QTGAL: variants seen among roughly 807,000 people sequenced by gnomAD.
QTGAL encodes BGnT-like protein 1.
At chr17:82,956,249 G>A in the QTGAL span, among the ~76,000 whole-genome samples, 136 of 152,198 alleles carry the variant, frequency 8.9e-4, 1 homozygote, top group East Asian at 0.024. This position sits in a 1 kb window ranked among gnomAD's most constrained non-coding sequence, Gnocchi z 5.7. Context: ...TTTGGAGCCC[G>A]AGGCACCCAT....
chr17:82,970,061 G>A, the QTGAL span, among the ~76,000 whole-genome samples: 1 of 152,180 alleles, frequency 6.6e-6, no homozygotes, highest in Non-Finnish European at 1.5e-5. Flanking sequence ...GCAGTTCTAT[G>A]GGATAACTTC....
the QTGAL span, chr17:82,956,954 G>A: frequency 7.6e-5 from 71 of 938,688 alleles, no homozygotes; most frequent in South Asian, 3.4e-4. This position sits in a 1 kb window ranked among gnomAD's most constrained non-coding sequence, Gnocchi z 5.7. Flanking sequence ...CGCCACCCCC[G>A]CCTGACACCC....
chr17:82,965,555 A>G, the QTGAL span: 1 of 1,251,234 alleles, frequency 8.0e-7, no homozygotes, highest in African/African-American at 1.5e-5. Context: ...CCCCGGAGGC[A>G]TGGCAAGGCG....
chr17:82,960,582 C>T, the QTGAL span: 10 of 156,260 alleles, frequency 6.4e-5, no homozygotes, highest in South Asian at 6.0e-4. Flanking sequence ...CCCGGGCCCA[C>T]GTGGCCGCTC....
At chr17:82,945,758 AAT>A in the QTGAL span, 3 of 152,170 alleles carry the variant, frequency 2.0e-5, no homozygotes, top group African/African-American at 7.2e-5. Flanking sequence ...AAGAAAAAAA[AAT>A]GTCTCCAGAC....
At chr17:82,948,586 C>G in the QTGAL span, 4 of 152,280 alleles carry the variant, frequency 2.6e-5, no homozygotes, top group Non-Finnish European at 5.9e-5. Context: ...TGCGAGAACA[C>G]AGACACTGGA....
the QTGAL span, among the ~76,000 whole-genome samples, chr17:82,980,625 A>T: frequency 7.9e-5 from 12 of 152,256 alleles, no homozygotes; most frequent in East Asian, 2.1e-3. Context: ...TTTATTAAAA[A>T]GAATGTTATT....
At chr17:83,024,826 C>T in the QTGAL span, among the ~76,000 whole-genome samples, 2 of 152,250 alleles carry the variant, frequency 1.3e-5, no homozygotes, top group Non-Finnish European at 2.9e-5. Flanking sequence ...GCTGTGGCCA[C>T]GGGGCCTGGG....
the QTGAL span, among the ~76,000 whole-genome samples, chr17:82,997,660 T>C: frequency 6.4e-3 from 973 of 152,236 alleles, 6 homozygotes; most frequent in African/African-American, 0.021. Context: ...CATGAATGAA[T>C]AAAGAAATGT....
the QTGAL span, among the ~76,000 whole-genome samples, chr17:83,044,805 T>C: frequency 6.6e-6 from 1 of 152,080 alleles, no homozygotes; most frequent in Non-Finnish European, 1.5e-5. Context: ...AATTAGCTGG[T>C]TGTGGTGGCG....
the QTGAL span, among the ~76,000 whole-genome samples, chr17:83,036,855 C>T: frequency 4.4e-4 from 67 of 152,218 alleles, no homozygotes; most frequent in East Asian, 7.9e-3. Flanking sequence ...TCAACTTCCC[C>T]CTGCCAGCAG....
the QTGAL span, among the ~76,000 whole-genome samples, chr17:83,045,912 C>T: frequency 0.03 from 4,524 of 151,974 alleles, 233 homozygotes; most frequent in African/African-American, 0.1. Flanking sequence ...CGATCTCTGC[C>T]TCCCGGGTTC....
At chr17:82,968,560 G>GC in the QTGAL span, among the ~76,000 whole-genome samples, 15,057 of 123,014 alleles carry the variant, frequency 0.12, 2,722 homozygotes, top group South Asian at 0.19. Flanking sequence ...GGGAAGGGAG[G>GC]CAGTCACCAG....
chr17:83,046,081 C>A, the QTGAL span, among the ~76,000 whole-genome samples: 1 of 152,096 alleles, frequency 6.6e-6, no homozygotes, highest in Non-Finnish European at 1.5e-5. Flanking sequence ...GCCTTGGCCT[C>A]CCAAAGTGCT....
At chr17:83,021,811 T>G in the QTGAL span, among the ~76,000 whole-genome samples, 1 of 152,146 alleles carries the variant, frequency 6.6e-6, no homozygotes, top group Non-Finnish European at 1.5e-5. Flanking sequence ...AGAATAATCA[T>G]GTAATAGTAA....
chr17:82,952,925 A>G, the QTGAL span, among the ~76,000 whole-genome samples: 1 of 152,222 alleles, frequency 6.6e-6, no homozygotes, highest in African/African-American at 2.4e-5. Context: ...AAACTGAACA[A>G]CCTGCTCCTG....
chr17:82,973,183 C>T, the QTGAL span, among the ~76,000 whole-genome samples: 16 of 152,132 alleles, frequency 1.1e-4, no homozygotes, highest in African/African-American at 2.9e-4. Flanking sequence ...CCAAAGGAAC[C>T]GAAAGGAGAA....
At chr17:83,039,534 T>G in the QTGAL span, among the ~76,000 whole-genome samples, 2 of 117,444 alleles carry the variant, frequency 1.7e-5, no homozygotes, top group Admixed American at 8.1e-5. Flanking sequence ...GCCCCTGTTC[T>G]AGACACACTG....
chr17:83,048,557 G>T, the QTGAL span: 1 of 1,613,838 alleles, frequency 6.2e-7, no homozygotes, highest in Non-Finnish European at 8.5e-7. Context: ...TTCAATGATA[G>T]CCCCAGACTT....
Sources: gnomAD v4.1 joint callset for allele counts (sites outside exome capture counted in the v4.1 genomes callset) on GRCh38, gnomAD v4.1.1 for gene constraint, Gnocchi (gnomAD v3.1) non-coding constraint, MANE v1.5 for transcripts, NCBI Gene and HGNC (gene_info 2026-07-23, HGNC 2026-07-21) for gene names.